The following RGS5 variants were observed in gnomAD, a reference collection of about 807,000 sequenced individuals.
RGS5 encodes the protein regulator of G protein signaling 5.
In RGS5, 20 loss-of-function variants were observed where a neutral mutation model predicts 18.9. The observed-to-expected ratio is 1.06, with a 90% CI of 0.74 to 1.54. The LOEUF (loss-of-function observed/expected upper bound fraction) is 1.54. Among genes scored for constraint, RGS5 ranks in the 40% most tolerant of loss-of-function variants. The pLI, the probability that RGS5 is intolerant of heterozygous loss-of-function variation, is 0.00. For synonymous variants in RGS5, 57 were observed against 76.2 expected (o/e 0.75, Z 1.31); for missense variants, 201 against 211.8 (o/e 0.95, Z 0.32).
chr1:163,265,626 T>C (rs989690152), intron 2 of RGS5, among the ~76,000 whole-genome samples: 1 of 152,152 alleles, frequency 6.6e-6, no homozygotes, highest in Non-Finnish European at 1.5e-5. Flanking sequence ...AGATTATGTA[T>C]TCTTTTGTCA....
chr1:163,299,614 CATT>C (rs1449297921), intron 2 of RGS5, among the ~76,000 whole-genome samples: 2 of 152,288 alleles, frequency 1.3e-5, no homozygotes, highest in East Asian at 3.9e-4. Flanking sequence ...GCTGGAAACA[CATT>C]ATATGTGAAC....
intron 1 of RGS5, among the ~76,000 whole-genome samples, chr1:163,209,409 CA>C (rs1553219762): frequency 6.6e-6 from 1 of 152,154 alleles, no homozygotes; most frequent in African/African-American, 2.4e-5. Flanking sequence ...TTATTCCCTA[CA>C]AAAGCTTGTT....
intron 2 of RGS5, among the ~76,000 whole-genome samples, chr1:163,255,247 C>T (rs1648238668): frequency 6.6e-6 from 1 of 152,112 alleles, no homozygotes; most frequent in Admixed American, 6.5e-5. Context: ...GCAGTATGGC[C>T]ATTTTCATGA....
At position 163,180,686 on chromosome 1, in the gene RGS5, G is replaced by GTTTTTTTTTTGT. The variant is rs1658783559; in HGVS notation, c.45-12319_45-12318insACAAAAAAAAAA. On this transcript the variant is annotated intron_variant, in intron 1 of 4. Coordinates refer to ENST00000313961, the MANE Select transcript of RGS5 (RefSeq NM_003617.4). ...CCCTTTGTAATAAAGCCCTTACCCT[G>GTTTTTTTTTTGT]TTTTTTTTTTTTTTTTTTTTTTTTT... Among the ~76,000 whole-genome samples the GTTTTTTTTTTGT allele has an allele frequency of 4.8e-5, 3 of 61,982 alleles. 1 individual carries two copies. Among genetic ancestry groups the GTTTTTTTTTTGT allele is most frequent in the East Asian group, 4.3e-4 (1 of 2,302 alleles). 40.7% of individuals were successfully genotyped at this position (61,982 alleles called of 152,430 possible).
At chr1:163,232,871 CAG>C (rs1014182160) in intron 2 of RGS5, among the ~76,000 whole-genome samples, 9 of 152,216 alleles carry the variant, frequency 5.9e-5, no homozygotes, top group African/African-American at 2.2e-4. Flanking sequence ...AATGAAAAAA[CAG>C]AGTGTCTCTT....
At chr1:163,217,415 C>A in intron 1 of RGS5, 1 of 1,145,958 alleles carries the variant, frequency 8.7e-7, no homozygotes, top group Non-Finnish European at 1.1e-6. Context: ...GAAATTTGGG[C>A]CCTAAAATAG....
intron 2 of RGS5, chr1:163,304,884 T>C (rs1038249056): frequency 3.3e-5 from 5 of 152,224 alleles, no homozygotes; most frequent in African/African-American, 1.2e-4. Flanking sequence ...AGCATTTCAG[T>C]AATAGCATTA....
At chr1:163,263,817 A>T (rs1363238061) in intron 2 of RGS5, among the ~76,000 whole-genome samples, 1 of 151,444 alleles carries the variant, frequency 6.6e-6, no homozygotes, top group African/African-American at 2.4e-5. Context: ...GAACAATAAG[A>T]CCTGAACCAT....
chr1:163,318,202 A>G lies in RGS5; in HGVS notation c.-378+3420T>C, dbSNP rs750807393. 2.2e-4 allele frequency among the ~76,000 whole-genome samples: 33 copies of G among 152,158 alleles called. 1 individual carries two copies. Among genetic ancestry groups the G allele is most frequent in the Admixed American group, 5.9e-4 (9 of 15,282 alleles). On this transcript the variant is annotated intron_variant, in intron 1 of 5. Transcript: ENST00000618415. ...GCCTCATGAATGCGAAGTGGGTAGG[A>G]TGGGAGATGGTACTGGAAAGGGAAA...
intron 2 of RGS5, among the ~76,000 whole-genome samples, chr1:163,295,788 T>C (rs1395051652): frequency 6.6e-6 from 1 of 152,234 alleles, no homozygotes; most frequent in African/African-American, 2.4e-5. Flanking sequence ...TGACATCAGA[T>C]TGATATTGTG....
chr1:163,303,897 T>C (rs1392289925), intron 2 of RGS5, among the ~76,000 whole-genome samples: 1 of 152,150 alleles, frequency 6.6e-6, no homozygotes, highest in East Asian at 1.9e-4. Context: ...TGCCTGATGA[T>C]CTGAGGTGGA....
chr1:163,194,534 C>T (rs1659483985), intron 1 of RGS5, among the ~76,000 whole-genome samples: 1 of 152,132 alleles, frequency 6.6e-6, no homozygotes, highest in African/African-American at 2.4e-5. Flanking sequence ...TGGCACATGA[C>T]TTATCCTCCA....
chr1:163,237,616 T>C (rs12754395), intron 2 of RGS5: 29,976 of 151,654 alleles, frequency 0.2, 3,351 homozygotes, highest in Non-Finnish European at 0.25. Flanking sequence ...GCCCAGGAGG[T>C]GGAGGTTGCA....
chr1:163,286,316 A>C (rs1649145982), intron 2 of RGS5, among the ~76,000 whole-genome samples: 1 of 152,148 alleles, frequency 6.6e-6, no homozygotes, highest in African/African-American at 2.4e-5. Context: ...AGTAGATTTT[A>C]GTATCCTCGG....
At chr1:163,275,453 T>A (rs1262848867) in intron 2 of RGS5, among the ~76,000 whole-genome samples, 1 of 152,180 alleles carries the variant, frequency 6.6e-6, no homozygotes, top group Non-Finnish European at 1.5e-5. Context: ...GCATATGAGA[T>A]CAACACTTTA....
chr1:163,178,676 A>G (rs752737209), intron 1 of RGS5, among the ~76,000 whole-genome samples: 1 of 152,156 alleles, frequency 6.6e-6, no homozygotes, highest in Non-Finnish European at 1.5e-5. Context: ...AAACCCAGCC[A>G]TCTATAAGCA....
At chr1:163,297,313 T>C (rs1291648894) in intron 2 of RGS5, among the ~76,000 whole-genome samples, 1 of 152,184 alleles carries the variant, frequency 6.6e-6, no homozygotes, top group Non-Finnish European at 1.5e-5. Context: ...TTCAGTTAGC[T>C]AACTTGCATT....
intron 2 of RGS5, among the ~76,000 whole-genome samples, chr1:163,293,796 T>C (rs553310342): frequency 1.3e-5 from 2 of 152,228 alleles, no homozygotes. Context: ...GGTACAGACA[T>C]TGGGTAAATG....
At chr1:163,228,530 C>T (rs1647392716) in intron 2 of RGS5, among the ~76,000 whole-genome samples, 1 of 152,176 alleles carries the variant, frequency 6.6e-6, no homozygotes, top group Non-Finnish European at 1.5e-5. Context: ...GGCCTCCGGG[C>T]CTGTGATGGA....
Sources: gnomAD v4.1 joint callset for allele counts (sites outside exome capture counted in the v4.1 genomes callset) on GRCh38, gnomAD v4.1.1 for gene constraint, MANE v1.5 for transcripts, NCBI Gene and HGNC (gene_info 2026-07-23, HGNC 2026-07-21) for gene names.